PRRC2B: variants seen among roughly 807,000 people sequenced by gnomAD.
PRRC2B encodes proline rich coiled-coil 2B.
A neutral mutation model predicts 242.3 loss-of-function variants in PRRC2B; 68 were observed. The ratio of observed to expected loss-of-function variants is 0.28; its 90% CI spans 0.23 to 0.34. The LOEUF is 0.34. PRRC2B is among the 10% of genes least tolerant of loss of function. The pLI is 1.00. For missense variants in PRRC2B, 2,835 were observed against 2,954.8 expected (o/e 0.96, Z 0.94); for synonymous variants, 1,228 against 1,173.6 (o/e 1.05, Z -0.95).
chr9:131,393,088 G>A (rs183881363), upstream of PRRC2B, among the ~76,000 whole-genome samples: 264 of 152,220 alleles, frequency 1.7e-3, no homozygotes, highest in African/African-American at 5.6e-3. Flanking sequence ...GGCTGAAGTG[G>A]GTTAATTTTC....
chr9:131,483,471 T>C (rs1203911137), intron 23 of PRRC2B, 26 bp downstream of exon 23: 11 of 1,599,602 alleles, frequency 6.9e-6, no homozygotes, highest in Non-Finnish European at 9.4e-6. Flanking sequence ...CACTTTTGGC[T>C]CCACTCACTG....
chr9:131,426,401 A>G (rs1051861741), intron 1 of PRRC2B, among the ~76,000 whole-genome samples: 1 of 152,100 alleles, frequency 6.6e-6, no homozygotes, highest in Admixed American at 6.6e-5. Flanking sequence ...AAATCATTCA[A>G]TGTGAAATCT....
At chr9:131,447,619 G>A (rs368794028) in intron 8 of PRRC2B, 43 bp from the exon 9 acceptor site, 28 of 1,519,288 alleles carry the variant, frequency 1.8e-5, no homozygotes, top group African/African-American at 1.5e-4. Flanking sequence ...TTTTGCTTCC[G>A]TCTGTATACT....
At chr9:131,473,315 G>T (rs1345971209) in intron 14 of PRRC2B, among the ~76,000 whole-genome samples, 193 bp from the exon 15 acceptor site, 1 of 152,194 alleles carries the variant, frequency 6.6e-6, no homozygotes, top group East Asian at 1.9e-4. Flanking sequence ...ACCAGGCAGG[G>T]TGCATGTGTG....
rs754661321 is a variant in PRRC2B, at chr9:131,448,543, C to CAAAAAAAAAAAAAAAAAAAAAAAAA, written c.1120+742_1120+766dup. Among the ~76,000 whole-genome samples the CAAAAAAAAAAAAAAAAAAAAAAAAA allele has an allele frequency of 4.1e-3, 162 of 39,880 alleles. 53 individuals are homozygous for CAAAAAAAAAAAAAAAAAAAAAAAAA. Among genetic ancestry groups the CAAAAAAAAAAAAAAAAAAAAAAAAA allele is most frequent in the East Asian group, 0.011 (18 of 1,672 alleles). The allele number at this position is 39,880 out of a possible 152,430, so 26.2% of individuals were successfully genotyped here. A position where few individuals can be genotyped will look rare whatever the true frequency, so the allele number is the denominator to read the frequency against. On this transcript the variant is annotated intron_variant, in intron 9 of 31. Transcript: ENST00000683519. ...TGGGCGACAGAGGGAGACACTGTCTCAAAAAAAAAAAAAAAAAAAAAAAAA... is the reference window on the plus strand; with the variant it reads ...TGGGCGACAGAGGGAGACACTGTCTCAAAAAAAAAAAAAAAAAAAAAAAAAAAAAAAAAAAAAAAAAAAAAAAAAA...
chr9:131,387,183 T>C (rs1321922099), intron 1 of PRRC2B, among the ~76,000 whole-genome samples: 1 of 150,224 alleles, frequency 6.7e-6, no homozygotes, highest in Non-Finnish European at 1.5e-5. Context: ...GTATTTTTAG[T>C]AGAGACGGGA....
At chr9:131,424,651 A>T (rs193145707) in intron 1 of PRRC2B, among the ~76,000 whole-genome samples, 1 of 152,214 alleles carries the variant, frequency 6.6e-6, no homozygotes, top group African/African-American at 2.4e-5. Context: ...GTGCCACTGC[A>T]CTCCAGCCCG....
chr9:131,464,338 C>T (rs1029081507), intron 11 of PRRC2B, among the ~76,000 whole-genome samples: 11 of 152,130 alleles, frequency 7.2e-5, no homozygotes, highest in South Asian at 4.1e-4. Flanking sequence ...TATTGTTGTG[C>T]GGGCAGGAGT....
rs200181532 is a variant in PRRC2B, at chr9:131,387,305, G to GTC, written c.-56+13586_-56+13587dup. Reference sequence around the variant, plus strand: ...CGTGAGCCACCGCGCCCGGCCACCTGTCTCTCTCTCTCTTAGTTTTCTGCC... The same window carrying GTC: ...CGTGAGCCACCGCGCCCGGCCACCTGTCTCTCTCTCTCTCTTAGTTTTCTGCC... On this transcript the variant is annotated intron_variant, in intron 1 of 1. Transcript: ENST00000682525. Among the ~76,000 whole-genome samples, 144 of 149,814 alleles carry GTC rather than the reference G, an allele frequency of 9.6e-4. 4 individuals are homozygous for GTC. The highest frequency in any genetic ancestry group is 9.6e-3 in the Middle Eastern group (3 of 314).
At chr9:131,383,967 G>A (rs936208650) in intron 1 of PRRC2B, among the ~76,000 whole-genome samples, 2 of 151,674 alleles carry the variant, frequency 1.3e-5, no homozygotes, top group Non-Finnish European at 2.9e-5. Context: ...CACCCAGGTT[G>A]GAGTCCAGTG....
At chr9:131,410,418 GCAGGGC>G (rs1290841265) in intron 1 of PRRC2B, among the ~76,000 whole-genome samples, 1 of 152,242 alleles carries the variant, frequency 6.6e-6, no homozygotes, top group Admixed American at 6.5e-5. Context: ...AGGGGTGCTG[GCAGGGC>G]CAGGGAGTAC....
intron 28 of PRRC2B, among the ~76,000 whole-genome samples, chr9:131,488,685 A>G (rs1471226013): frequency 1.3e-5 from 2 of 152,104 alleles, no homozygotes; most frequent in East Asian, 1.9e-4. Context: ...GAATGGGTTA[A>G]GAGTCCTCTT....
At chr9:131,471,410 C>T (rs1423400398) in intron 14 of PRRC2B, among the ~76,000 whole-genome samples, 2 of 151,924 alleles carry the variant, frequency 1.3e-5, no homozygotes, top group Non-Finnish European at 2.9e-5. Flanking sequence ...TTCTTATTTC[C>T]TTTAAAATAT....
intron 10 of PRRC2B, among the ~76,000 whole-genome samples, chr9:131,455,841 G>A (rs1269094374): frequency 1.3e-5 from 2 of 152,118 alleles, no homozygotes; most frequent in African/African-American, 4.8e-5. Flanking sequence ...GGCCGGGCAC[G>A]GCGGCTCGTG....
intron 9 of PRRC2B, among the ~76,000 whole-genome samples, chr9:131,451,814 C>T (rs957386331): frequency 8.6e-5 from 13 of 151,746 alleles, no homozygotes; most frequent in Non-Finnish European, 1.8e-4. Context: ...CAATGATTTC[C>T]TACATCTGTG....
intron 1 of PRRC2B, among the ~76,000 whole-genome samples, chr9:131,418,793 G>A (rs1161679169): frequency 1.3e-5 from 2 of 152,204 alleles, no homozygotes; most frequent in Non-Finnish European, 2.9e-5. Context: ...AAAACAAATA[G>A]CAAATCTGTT....
chr9:131,489,997 G>T (rs1353444510), intron 28 of PRRC2B, among the ~76,000 whole-genome samples: 2 of 152,034 alleles, frequency 1.3e-5, no homozygotes, highest in African/African-American at 4.8e-5. Flanking sequence ...GCCCTGCTTT[G>T]GGTGTGTTTC....
intron 1 of PRRC2B, among the ~76,000 whole-genome samples, chr9:131,425,480 T>C (rs1002199801): frequency 6.0e-5 from 9 of 150,154 alleles, no homozygotes; most frequent in Non-Finnish European, 3.0e-5. Context: ...AAGAGGACTT[T>C]TGTTGTTGTT....
intron 1 of PRRC2B, among the ~76,000 whole-genome samples, chr9:131,406,632 G>A (rs752307309): frequency 1.3e-5 from 2 of 152,044 alleles, no homozygotes; most frequent in Non-Finnish European, 2.9e-5. Flanking sequence ...AAATGGATAC[G>A]GAACCTGTCT....
Sources: allele counts gnomAD v4.1 joint callset (sites outside exome capture counted in the v4.1 genomes callset), GRCh38; gene constraint gnomAD v4.1.1; transcripts MANE v1.5; gene names NCBI Gene and HGNC (gene_info 2026-07-23, HGNC 2026-07-21).